Variants in PCSK5 observed in about 807,000 individuals in gnomAD.
The protein encoded by PCSK5 is prohormone convertase 5.
A neutral mutation model predicts 233.2 loss-of-function variants in PCSK5; 129 were observed. That is an observed-to-expected ratio of 0.55 (90% CI 0.48 to 0.64). PCSK5 has a LOEUF of 0.64. PCSK5 is among the 30% of genes least tolerant of loss of function. The pLI, the probability that PCSK5 is intolerant of heterozygous loss-of-function variation, is 0.00. For missense variants in PCSK5, 2,076 were observed against 2,430.1 expected (o/e 0.85, Z 3.06); for synonymous variants, 825 against 879.2 (o/e 0.94, Z 1.09).
chr9:76,049,790 A>G (rs1829558348), intron 5 of PCSK5, among the ~76,000 whole-genome samples: 1 of 152,222 alleles, frequency 6.6e-6, no homozygotes, highest in Non-Finnish European at 1.5e-5. Flanking sequence ...TATGATCAGG[A>G]AACAGCCCTG....
intron 24 of PCSK5, among the ~76,000 whole-genome samples, chr9:76,245,868 C>T (rs577065170): frequency 2.3e-4 from 35 of 152,128 alleles, no homozygotes; most frequent in Non-Finnish European, 4.4e-4. Context: ...AGTAGATAAA[C>T]CAGCCAGAAG....
Position 75,903,590 on chromosome 9 carries a change from A to T in PCSK5, c.192+12217A>T, listed in dbSNP as rs201810217. On this transcript the variant is annotated intron_variant, in intron 1 of 37. Coordinates refer to ENST00000674117, the MANE Select transcript of PCSK5 (RefSeq NM_001372043.1). ...TGTGTGTGTGTATATATATATATAAAATATATATTATATATATATATTATA... is the reference window on the plus strand; with the variant it reads ...TGTGTGTGTGTATATATATATATAATATATATATTATATATATATATTATA... 1.4e-3 allele frequency among the ~76,000 whole-genome samples: 177 copies of T among 122,690 alleles called. 4 individuals are homozygous for T. The East Asian group carries it at 0.018, about 13-fold the overall frequency. 80.5% of individuals were successfully genotyped at this position (122,690 alleles called of 152,430 possible).
At chr9:76,129,245 A>G (rs559571584) in intron 9 of PCSK5, among the ~76,000 whole-genome samples, 76 of 133,178 alleles carry the variant, frequency 5.7e-4, no homozygotes, top group African/African-American at 2.0e-3. Context: ...TTTCTATTTT[A>G]CATAATCTTT....
chr9:76,307,844 A>G (rs1336015084), intron 28 of PCSK5, among the ~76,000 whole-genome samples: 4 of 152,104 alleles, frequency 2.6e-5, no homozygotes, highest in East Asian at 1.9e-4. Context: ...AAAAAAAAAG[A>G]AAAGAAGTTC....
chr9:76,221,402 G>A (rs1353535220), intron 20 of PCSK5, among the ~76,000 whole-genome samples: 3 of 152,146 alleles, frequency 2.0e-5, no homozygotes, highest in African/African-American at 7.2e-5. Context: ...AAAGAGCATG[G>A]GCTCAGTCTC....
chr9:76,180,909 T>A (rs960193500), intron 15 of PCSK5, among the ~76,000 whole-genome samples: 1 of 148,034 alleles, frequency 6.8e-6, no homozygotes, highest in African/African-American at 2.5e-5. Context: ...TTTTTTTTTT[T>A]AAGTGTTCTC....
At chr9:76,205,187 A>G in intron 20 of PCSK5, 1 of 518,854 alleles carries the variant, frequency 1.9e-6, no homozygotes. Flanking sequence ...CAGCTATCTC[A>G]CTACTAGGTT....
At chr9:76,020,923 T>A (rs1243311198) in intron 3 of PCSK5, among the ~76,000 whole-genome samples, 1 of 152,104 alleles carries the variant, frequency 6.6e-6, no homozygotes, top group African/African-American at 2.4e-5. Context: ...GAAAGGAGAA[T>A]GGAATAAAAA....
intron 24 of PCSK5, among the ~76,000 whole-genome samples, chr9:76,280,489 C>T (rs1311449615): frequency 6.6e-6 from 1 of 152,112 alleles, no homozygotes; most frequent in Admixed American, 6.5e-5. Context: ...CACCTATAAT[C>T]CCAGCACTTT....
At chr9:76,272,572 A>T (rs1282915484) in intron 24 of PCSK5, among the ~76,000 whole-genome samples, 2 of 151,872 alleles carry the variant, frequency 1.3e-5, no homozygotes, top group African/African-American at 4.8e-5. Flanking sequence ...CAGGAGATTG[A>T]GACCATCCTG....
At chr9:76,330,790 C>G (rs1211032943) in intron 33 of PCSK5, among the ~76,000 whole-genome samples, 1 of 152,116 alleles carries the variant, frequency 6.6e-6, no homozygotes, top group Non-Finnish European at 1.5e-5. Flanking sequence ...CTTCTCTATC[C>G]ATCTACCTTA....
chr9:76,131,497 C>G (rs538239610), intron 9 of PCSK5, among the ~76,000 whole-genome samples: 1 of 152,126 alleles, frequency 6.6e-6, no homozygotes, highest in Non-Finnish European at 1.5e-5. Context: ...ATGTGTAGGT[C>G]CAATTTCCTG....
chr9:75,979,293 G>A (rs1250686697), intron 2 of PCSK5, among the ~76,000 whole-genome samples: 1 of 152,104 alleles, frequency 6.6e-6, no homozygotes, highest in Non-Finnish European at 1.5e-5. Context: ...ATACTGGCTA[G>A]CATCACAAGG....
At chr9:76,240,836 A>G (rs1365708141) in intron 24 of PCSK5, among the ~76,000 whole-genome samples, 152 bp downstream of exon 24, 4 of 152,176 alleles carry the variant, frequency 2.6e-5, no homozygotes, top group Non-Finnish European at 5.9e-5. Context: ...CTTCAATACA[A>G]ACAGGATCAC....
At chr9:76,260,786 A>C (rs886703638) in intron 24 of PCSK5, among the ~76,000 whole-genome samples, 4 of 152,364 alleles carry the variant, frequency 2.6e-5, no homozygotes, top group Middle Eastern at 3.4e-3. Flanking sequence ...TTATGTTTTA[A>C]GCTGCTAAAT....
chr9:75,907,995 A>C (rs1038023354), intron 1 of PCSK5, among the ~76,000 whole-genome samples: 4 of 152,254 alleles, frequency 2.6e-5, no homozygotes, highest in Non-Finnish European at 4.4e-5. Flanking sequence ...CACTGAAATT[A>C]AATCCAGAGA....
chr9:76,174,651 A>T (rs1823491660), intron 13 of PCSK5, among the ~76,000 whole-genome samples: 1 of 152,076 alleles, frequency 6.6e-6, no homozygotes, highest in African/African-American at 2.4e-5. Context: ...GCCTTCTATT[A>T]AGTCCTGGGA....
chr9:76,169,193 T>A (rs1229895177), intron 12 of PCSK5, among the ~76,000 whole-genome samples: 4 of 152,180 alleles, frequency 2.6e-5, no homozygotes, highest in Non-Finnish European at 5.9e-5. Context: ...TGTTTACAGT[T>A]TTGGGGAATT....
At chr9:76,035,729 G>T (rs1053585589) in intron 5 of PCSK5, among the ~76,000 whole-genome samples, 1 of 152,082 alleles carries the variant, frequency 6.6e-6, no homozygotes, top group Non-Finnish European at 1.5e-5. Context: ...TTCAAGACAG[G>T]TGTATTTAAT....
Sources: gnomAD v4.1 joint callset for allele counts (sites outside exome capture counted in the v4.1 genomes callset) on GRCh38, gnomAD v4.1.1 for gene constraint, MANE v1.5 for transcripts, NCBI Gene and HGNC (gene_info 2026-07-23, HGNC 2026-07-21) for gene names.